The following ACAN variants were observed in gnomAD, a reference collection of about 807,000 sequenced individuals.
ACAN encodes the protein aggrecan core protein.
Under a neutral mutation model 169.1 loss-of-function variants are expected in ACAN, and 47 were observed. That is an observed-to-expected ratio of 0.28 (90% CI 0.22 to 0.35). ACAN has a LOEUF of 0.35. Ranked by LOEUF, ACAN falls within the 10% of genes least tolerant of loss-of-function variation. The pLI is 1.00. For missense variants in ACAN, 2,716 were observed against 2,759.9 expected (o/e 0.98, Z 0.36); for synonymous variants, 1,115 against 1,112.2 (o/e 1.00, Z -0.05).
intron 1 of ACAN, 89 bp downstream of exon 1, chr15:88,803,898 G>C (rs989439570): frequency 2.0e-5 from 3 of 152,310 alleles, no homozygotes; most frequent in African/African-American, 7.2e-5. Flanking sequence ...CCGGGGCTGG[G>C]GGCTGCACTG....
At chr15:88,833,603 C>A (rs1237101307) in intron 1 of ACAN, among the ~76,000 whole-genome samples, 1 of 152,000 alleles carries the variant, frequency 6.6e-6, no homozygotes, top group African/African-American at 2.4e-5. Context: ...ATTTTCTTTA[C>A]AGCTGAGAAA....
intron 2 of ACAN, among the ~76,000 whole-genome samples, chr15:88,837,395 G>C (rs950099338): frequency 6.6e-6 from 1 of 152,198 alleles, no homozygotes; most frequent in Non-Finnish European, 1.5e-5. Context: ...TTGTCAAATA[G>C]GAAGATAGGA....
chr15:88,817,862 A>G (rs1596115492), intron 1 of ACAN, among the ~76,000 whole-genome samples: 2 of 151,592 alleles, frequency 1.3e-5, no homozygotes, highest in Non-Finnish European at 2.9e-5. Context: ...AAAAAAAAAA[A>G]AAAAAAAGAA....
chr15:88,864,467 A>C (rs895373944), intron 13 of ACAN, among the ~76,000 whole-genome samples: 1 of 152,088 alleles, frequency 6.6e-6, no homozygotes, highest in Non-Finnish European at 1.5e-5. Flanking sequence ...GGATTTCACT[A>C]TGTTGGCCAG....
rs1361963398 is a variant in ACAN, at chr15:88,851,845, C to T, written c.2078C>T (p.Ser693Leu). The change falls in exon 11 of 19, where the codon TCA (serine) becomes TTA (leucine). Residue 693 changes from serine (S) to leucine (L), a missense_variant. Coordinates refer to ENST00000560601, the MANE Select transcript of ACAN (RefSeq NM_001369268.1). This position sits in a 1 kb window ranked among gnomAD's most constrained non-coding sequence, Gnocchi z 4.3. The part of the protein sequence containing the change: ...PGEEEGGTPT[S>L]PSGVEEWIVT... ...GAAGAAGAGGGTGGCACACCCACAT[C>T]ACCCTCTGGTGTGGAGGAGTGGATC... 1.2e-6 allele frequency: 2 copies of T among 1,610,918 alleles called. No homozygotes were observed. The highest frequency in any genetic ancestry group is 1.3e-5 in the African/African-American group (1 of 74,856).
chr15:88,855,120 AC>A lies in ACAN; in HGVS notation c.2541del (p.Val848CysfsTer97), dbSNP rs1596144242. The A allele has an allele frequency of 1.9e-6, 3 of 1,605,380 alleles. No individual in the cohort carries two copies. The highest frequency in any genetic ancestry group is 1.7e-6 in the Non-Finnish European group (2 of 1,175,668). ...SASEEPYTPS[P>X]PVPSWTELPS... is the part of the protein sequence containing the mutation. ...CCTCGGAAGAGCCGTATACACCTTC[AC>A]CCCCCGTGCCCAGCTGGACTGAGCT... On this transcript the variant is annotated frameshift_variant, in exon 12 of 19. Transcript: ENST00000560601. LOFTEE classifies it high-confidence loss of function.
chr15:88,832,260 A>G (rs1896383389), intron 1 of ACAN, among the ~76,000 whole-genome samples: 1 of 151,880 alleles, frequency 6.6e-6, no homozygotes, highest in South Asian at 2.1e-4. Context: ...GACAAATAGC[A>G]TGCAAAAAGA....
In ACAN at chr15:88,821,331, T is replaced by G. The variant is rs117999277; in HGVS notation, c.-7-14869T>G. 4.6e-4 allele frequency among the ~76,000 whole-genome samples: 70 copies of G among 152,016 alleles called. No homozygotes were observed. In the East Asian group the frequency reaches 0.011, roughly 23 times the overall value. ...GTGTTGTAGAGACAGGGGGAAGGGTTGGGGGATGAGGGGTGGTCTCCCTAA... is the reference window on the plus strand; with the variant it reads ...GTGTTGTAGAGACAGGGGGAAGGGTGGGGGGATGAGGGGTGGTCTCCCTAA... On this transcript the variant is annotated intron_variant, in intron 1 of 18. Coordinates refer to ENST00000560601, the MANE Select transcript of ACAN (RefSeq NM_001369268.1).
Position 88,840,005 on chromosome 15 carries a change from C to T in ACAN, c.455-7C>T. On this transcript the variant is annotated splice_region_variant and splice_polypyrimidine_tract_variant and intron_variant, in intron 3 of 18. Coordinates refer to ENST00000560601, the MANE Select transcript of ACAN (RefSeq NM_001369268.1). ...CTTCCGCTTGTGGGCGTGTATGTGT[C>T]TTGCAGGCATCGTGTTCCATTACAG... The T allele has an allele frequency of 1.3e-6, 2 of 1,595,804 alleles. No homozygotes were observed. Among genetic ancestry groups the T allele is most frequent in the Non-Finnish European group, 1.7e-6 (2 of 1,170,580 alleles).
chr15:88,865,863 A>G (rs1013872963), intron 13 of ACAN, among the ~76,000 whole-genome samples: 7 of 152,200 alleles, frequency 4.6e-5, no homozygotes, highest in African/African-American at 1.7e-4. Context: ...CTAATAAGAA[A>G]GCCCCACACC....
At chr15:88,848,450 C>T (rs1037627482) in intron 9 of ACAN, among the ~76,000 whole-genome samples, 2 of 151,582 alleles carry the variant, frequency 1.3e-5, no homozygotes, top group South Asian at 4.1e-4. Flanking sequence ...GGCACAGTGG[C>T]TCACACCTGT....
In ACAN at chr15:88,858,539, G is replaced by T. The variant is rs746211609; in HGVS notation, c.5954G>T (p.Ser1985Ile). ...SGEHSGFLDL[S>I]GLQSGLIEPS... is the part of the protein sequence containing the mutation. The stretch of plus-strand genomic sequence containing the variant: ...GAGCATTCTGGATTTCTGGACCTAA[G>T]TGGGCTGCAGTCCGGGCTGATAGAG... The change falls in exon 12 of 19, where the codon AGT becomes ATT. Residue 1985 changes from serine to isoleucine, a missense_variant. Ser to Ile is a moderately radical substitution (Grantham distance 142, BLOSUM62 -2). This residue lies in a region of ACAN where 1,389 missense variants were observed against 1,363.7 expected (regional missense o/e 1.02). Coordinates refer to ENST00000560601, the MANE Select transcript of ACAN (RefSeq NM_001369268.1). The surrounding 1 kb of genome is among the most constrained non-coding windows in gnomAD (Gnocchi z 4.0). 6.2e-7 allele frequency: 1 copy of T among 1,613,928 alleles called. No homozygotes were observed. The highest frequency in any genetic ancestry group is 1.1e-5 in the South Asian group (1 of 91,080).
chr15:88,838,169 G>A lies in ACAN; in HGVS notation c.71-494G>A, dbSNP rs534820154. 2.2e-4 allele frequency among the ~76,000 whole-genome samples: 34 copies of A among 152,082 alleles called. No homozygotes were observed. The highest frequency in any genetic ancestry group is 4.2e-4 in the South Asian group (2 of 4,804). ...TTGTCCCGGTGGCAAAATCAGGCTCGCACCCAAAAGCAGACCTCCCCAAAT... is the reference window on the plus strand; with the variant it reads ...TTGTCCCGGTGGCAAAATCAGGCTCACACCCAAAAGCAGACCTCCCCAAAT... On this transcript the variant is annotated intron_variant, in intron 2 of 18. Coordinates refer to ENST00000560601, the MANE Select transcript of ACAN (RefSeq NM_001369268.1). The surrounding 1 kb of genome is among the most constrained non-coding windows in gnomAD (Gnocchi z 5.1).
chr15:88,843,619 C>T lies in ACAN; in HGVS notation c.1022C>T (p.Ser341Leu), dbSNP rs1405125406. 6.3e-7 allele frequency: 1 copy of T among 1,590,182 alleles called. No individual in the cohort carries two copies. The highest frequency in any genetic ancestry group is 2.3e-5 in the East Asian group (1 of 44,244). The change falls in exon 6 of 19, where the codon TCA (serine) becomes TTA (leucine). Residue 341 changes from serine to leucine, a missense_variant. Physicochemically the swap from Ser to Leu is moderately radical, Grantham distance 145. This residue lies in a region of ACAN where 1,283 missense variants were observed against 1,281.5 expected (regional missense o/e 1.00). Transcript: ENST00000560601. This position sits in a 1 kb window ranked among gnomAD's most constrained non-coding sequence, Gnocchi z 4.0. The part of the protein sequence containing the change: ...HANQTGYPDP[S>L]SRYDAICYTG... The stretch of plus-strand genomic sequence containing the variant: ...AACCAGACGGGCTACCCCGACCCCT[C>T]ATCCCGCTACGACGCCATCTGCTAC...
chr15:88,863,469 T>A lies in ACAN; in HGVS notation c.6946+3030T>A, dbSNP rs187694734. 4.3e-4 allele frequency among the ~76,000 whole-genome samples: 66 copies of A among 152,308 alleles called. No homozygotes were observed. In the East Asian group the frequency reaches 9.6e-3, roughly 22 times the overall value. On this transcript the variant is annotated intron_variant, in intron 13 of 18. Coordinates refer to ENST00000560601, the MANE Select transcript of ACAN (RefSeq NM_001369268.1). ...CTTCAGCATTGGTATTTTTAAAAAA[T>A]CTTTAAATAGGAATATTTTTAAAAA...
chr15:88,841,886 C>G lies in ACAN; in HGVS notation c.757+19C>G, dbSNP rs1420100697. 6.2e-7 allele frequency: 1 copy of G among 1,613,058 alleles called. No homozygotes were observed. The highest frequency in any genetic ancestry group is 8.5e-7 in the Non-Finnish European group (1 of 1,179,574). ...ATGGAGGGTGAGCTGCCCTGCCCACCAGGAGGCACCCAGCTCCCTTCCCAA... is the reference window on the plus strand; with the variant it reads ...ATGGAGGGTGAGCTGCCCTGCCCACGAGGAGGCACCCAGCTCCCTTCCCAA... On this transcript the variant is annotated intron_variant, in intron 5 of 18. Coordinates refer to ENST00000560601, the MANE Select transcript of ACAN (RefSeq NM_001369268.1).
At chr15:88,821,216 T>C (rs1014345739) in intron 1 of ACAN, among the ~76,000 whole-genome samples, 3 of 152,192 alleles carry the variant, frequency 2.0e-5, no homozygotes, top group Non-Finnish European at 2.9e-5. Context: ...CAGGGTTCAC[T>C]GCAGCCTTGA....
intron 1 of ACAN, among the ~76,000 whole-genome samples, chr15:88,830,232 G>A (rs1390494331): frequency 2.0e-5 from 3 of 152,230 alleles, no homozygotes; most frequent in East Asian, 1.9e-4. Context: ...ATGGAGGACA[G>A]CACAATGAAT....
rs775576910 is a variant in ACAN, at chr15:88,838,605, G to A, written c.71-58G>A. 3.5e-5 allele frequency: 53 copies of A among 1,520,806 alleles called. No individual in the cohort carries two copies. Among genetic ancestry groups the A allele is most frequent in the Non-Finnish European group, 4.3e-5 (49 of 1,131,084 alleles). The allele number at this position is 1,520,806 out of a possible 1,614,324, so 94.2% of individuals were successfully genotyped here. A position where few individuals can be genotyped will look rare whatever the true frequency, so the allele number is the denominator to read the frequency against. On this transcript the variant is annotated intron_variant, in intron 2 of 18. Transcript: ENST00000560601. This position sits in a 1 kb window ranked among gnomAD's most constrained non-coding sequence, Gnocchi z 5.1. ...TTGCTGGAAGGATGGATGGGGAGGC[G>A]GGGTGGTCCTCTCTAGGCACTAACA...
Sources: allele counts gnomAD v4.1 joint callset (sites outside exome capture counted in the v4.1 genomes callset), GRCh38; gene constraint gnomAD v4.1.1; regional missense constraint gnomAD v4.1.1; non-coding constraint Gnocchi (gnomAD v3.1); transcripts MANE v1.5; gene names NCBI Gene and HGNC (gene_info 2026-07-23, HGNC 2026-07-21).